Variants in CYB5RL observed in about 807,000 individuals in gnomAD.
CYB5RL encodes NADH-cytochrome b5 reductase-like.
Under a neutral mutation model 37.5 loss-of-function variants are expected in CYB5RL, and 38 were observed. That is an observed-to-expected ratio of 1.01 (90% CI 0.78 to 1.33). The LOEUF (loss-of-function observed/expected upper bound fraction) is 1.33. CYB5RL is among the 40% of genes most tolerant of loss of function. The pLI, the probability that CYB5RL is intolerant of heterozygous loss-of-function variation, is 0.00. For synonymous variants in CYB5RL, 141 were observed against 151.9 expected (o/e 0.93, Z 0.53); for missense variants, 388 against 394.4 (o/e 0.98, Z 0.14).
intron 4 of CYB5RL, among the ~76,000 whole-genome samples, chr1:54,190,040 G>A (rs1643935450): frequency 6.6e-6 from 1 of 152,148 alleles, no homozygotes; most frequent in South Asian, 2.1e-4. Flanking sequence ...CCAAACCCAT[G>A]CCTGCAGCTC....
At chr1:54,179,862 T>C in intron 6 of CYB5RL, 3 of 440,562 alleles carry the variant, frequency 6.8e-6, no homozygotes, top group South Asian at 3.3e-5. Flanking sequence ...GGGCCCACCT[T>C]GGACCTCTGA....
At chr1:54,192,272 C>T (rs749075641) in intron 3 of CYB5RL, among the ~76,000 whole-genome samples, 10 of 149,416 alleles carry the variant, frequency 6.7e-5, no homozygotes, top group East Asian at 2.0e-4. Flanking sequence ...ACAATCTCTG[C>T]CTCCCGGATT....
In CYB5RL at chr1:54,190,820, G is replaced by A; in HGVS notation, c.275C>T (p.Thr92Ile). The change falls in exon 4 of 8, where the codon ACC (threonine) becomes ATC (isoleucine). Residue 92 changes from threonine to isoleucine, a missense_variant. Physicochemically the swap from Thr to Ile is moderately conservative, Grantham distance 89. Transcript: ENST00000534324. ...GGGTAGAGCAAACCGGACACGGTAG[G>A]TGTCCTTAGTGAGCCTGTCCATGGC... Reference protein sequence around the residue: ...IIAMDRLTKDTYRVRFALPGN... With the variant: ...IIAMDRLTKDIYRVRFALPGN... 1.3e-6 allele frequency: 2 copies of A among 1,596,552 alleles called. No homozygotes were observed. Among genetic ancestry groups the A allele is most frequent in the Non-Finnish European group, 1.7e-6 (2 of 1,171,904 alleles).
chr1:54,188,542 G>A (rs182086124), intron 4 of CYB5RL, among the ~76,000 whole-genome samples: 4 of 152,294 alleles, frequency 2.6e-5, no homozygotes, highest in Admixed American at 2.6e-4. Context: ...ACCAAAAACA[G>A]GGTCAGGATA....
intron 5 of CYB5RL, chr1:54,185,113 C>T (rs1660258672): frequency 1.3e-5 from 2 of 152,236 alleles, no homozygotes; most frequent in Admixed American, 1.3e-4. Flanking sequence ...ATCAATCAAT[C>T]CAGATTCAGG....
intron 7 of CYB5RL, chr1:54,175,649 G>A: frequency 2.3e-6 from 1 of 442,830 alleles, no homozygotes; most frequent in Non-Finnish European, 4.6e-6. Context: ...CCACATTTGT[G>A]GATTCAACCA....
intron 7 of CYB5RL, among the ~76,000 whole-genome samples, chr1:54,176,125 C>A (rs995601963): frequency 1.3e-5 from 2 of 152,188 alleles, no homozygotes; most frequent in Non-Finnish European, 2.9e-5. Flanking sequence ...CTCTCAGGAT[C>A]ATGATTGTGA....
At chr1:54,178,856 C>T (rs1013121005) in intron 7 of CYB5RL, among the ~76,000 whole-genome samples, 2 of 152,232 alleles carry the variant, frequency 1.3e-5, no homozygotes, top group East Asian at 1.9e-4. Flanking sequence ...GAGGCAGTAA[C>T]GCATGGGGTG....
At position 54,174,262 on chromosome 1, in the gene CYB5RL, A is replaced by G. The variant is rs1459711542; in HGVS notation, c.*357T>C. The G allele has an allele frequency of 6.8e-6, 2 of 295,336 alleles. No individual in the cohort carries two copies. Among genetic ancestry groups the G allele is most frequent in the Non-Finnish European group, 1.3e-5 (2 of 151,136 alleles). 18.3% of individuals were successfully genotyped at this position (295,336 alleles called of 1,614,324 possible). On this transcript the variant is annotated 3_prime_UTR_variant, in exon 8 of 8. Transcript: ENST00000534324. The stretch of plus-strand genomic sequence containing the variant: ...AGCCCCCATTAGATCCTCTAATCGG[A>G]GGGGCCAGGGAAGCTCCTCCCGACT...
At position 54,172,335 on chromosome 1, in the gene CYB5RL, C is replaced by CTTTTTTTTT. The variant is rs71066905; in HGVS notation, c.*2275_*2283dup. 7.6e-5 allele frequency: 8 copies of CTTTTTTTTT among 104,856 alleles called. No individual in the cohort carries two copies. The highest frequency in any genetic ancestry group is 1.2e-4 in the Admixed American group (1 of 8,058). 6.5% of individuals were successfully genotyped at this position (104,856 alleles called of 1,614,324 possible). ...GCGCATACCACCACATAAGGTTAATCTTTTTTTTTTTTTTTTTTTTGTAGA... is the reference window on the plus strand; with the variant it reads ...GCGCATACCACCACATAAGGTTAATCTTTTTTTTTTTTTTTTTTTTTTTTTTTTTGTAGA... On this transcript the variant is annotated 3_prime_UTR_variant, in exon 8 of 8. Transcript: ENST00000534324.
At chr1:54,195,793 C>A (rs1160250858) in intron 2 of CYB5RL, 78 bp from the exon 3 acceptor site, 1 of 643,976 alleles carries the variant, frequency 1.6e-6, no homozygotes, top group African/African-American at 1.8e-5. Context: ...AGGTGCCAGG[C>A]TCTGTGCAAG....
At chr1:54,187,610 C>A (rs182138462) in intron 5 of CYB5RL, 42 bp downstream of exon 5, 28 of 1,584,306 alleles carry the variant, frequency 1.8e-5, no homozygotes, top group Non-Finnish European at 2.3e-5. Context: ...AGACCCATAG[C>A]TTCTCCACGG....
intron 3 of CYB5RL, among the ~76,000 whole-genome samples, chr1:54,194,643 T>C (rs930278480): frequency 6.6e-6 from 1 of 151,100 alleles, no homozygotes; most frequent in African/African-American, 2.4e-5. Flanking sequence ...ATTCCATCTC[T>C]ACAAAAAAGA....
At chr1:54,193,308 C>T (rs1643973614) in intron 3 of CYB5RL, among the ~76,000 whole-genome samples, 1 of 152,118 alleles carries the variant, frequency 6.6e-6, no homozygotes, top group African/African-American at 2.4e-5. Flanking sequence ...GATATTTTGG[C>T]AAGAAGATGG....
In CYB5RL at chr1:54,171,540, A is replaced by G. The variant is rs1659893426; in HGVS notation, c.*3079T>C. ...AACTAAAGCCAATGCCGCTTCTGCG[A>G]CCAAGAATCTGTCCTCAGGCCCTCT... is the stretch of plus-strand genomic sequence containing the variant. On this transcript the variant is annotated 3_prime_UTR_variant, in exon 8 of 8. Coordinates refer to ENST00000534324, the MANE Select transcript of CYB5RL (RefSeq NM_001031672.4). 3 of 415,064 alleles carry G rather than the reference A, an allele frequency of 7.2e-6. No individual in the cohort carries two copies. Among genetic ancestry groups the G allele is most frequent in the South Asian group, 5.2e-5 (3 of 57,704 alleles). 25.7% of individuals were successfully genotyped at this position (415,064 alleles called of 1,614,324 possible).
intron 1 of CYB5RL, among the ~76,000 whole-genome samples, 160 bp from the exon 2 acceptor site, chr1:54,196,651 C>A (rs1644010136): frequency 6.6e-6 from 1 of 152,224 alleles, no homozygotes; most frequent in Admixed American, 6.5e-5. Flanking sequence ...CTGATAACTG[C>A]ACTTCCCCAG....
In CYB5RL at chr1:54,187,642, G is replaced by A; in HGVS notation, c.435+10C>T. On this transcript the variant is annotated intron_variant, in intron 5 of 7. Transcript: ENST00000534324. ...ACGGCATCTTGGAGCATCCTCAAGG[G>A]TCAACTCACCTTAATTAACACTTCA... 1 of 1,613,434 alleles carries A rather than the reference G, an allele frequency of 6.2e-7. No homozygotes were observed. The highest frequency in any genetic ancestry group is 8.5e-7 in the Non-Finnish European group (1 of 1,179,488).
At chr1:54,198,764 T>C (rs1419220973) in intron 1 of CYB5RL, among the ~76,000 whole-genome samples, 1 of 150,926 alleles carries the variant, frequency 6.6e-6, no homozygotes, top group African/African-American at 2.4e-5. Context: ...CCTGAGTACC[T>C]AGATCTATAG....
At chr1:54,179,888 G>T (rs1557719377) in intron 6 of CYB5RL, 2 of 451,790 alleles carry the variant, frequency 4.4e-6, no homozygotes, top group Non-Finnish European at 8.9e-6. Context: ...CTCATCTCTA[G>T]GCTAAATGAA....
Sources: allele counts gnomAD v4.1 joint callset (sites outside exome capture counted in the v4.1 genomes callset), GRCh38; gene constraint gnomAD v4.1.1; transcripts MANE v1.5; gene names NCBI Gene and HGNC (gene_info 2026-07-23, HGNC 2026-07-21).